Variants in MIX23 observed in about 807,000 individuals in gnomAD.
MIX23 encodes the protein mitochondrial matrix import factor 23, also known as protein MIX23.
Under a neutral mutation model 21.6 loss-of-function variants are expected in MIX23, and 13 were observed. The ratio of observed to expected loss-of-function variants is 0.60; its 90% CI spans 0.39 to 0.96. The LOEUF is 0.96. Ranked by LOEUF, MIX23 falls within the 40% of genes least tolerant of loss-of-function variation. The pLI is 0.00. For synonymous variants in MIX23, 59 were observed against 58.0 expected, an observed-to-expected ratio of 1.02 and a Z score of -0.08; for missense variants, 144 against 171.2, an observed-to-expected ratio of 0.84 and a Z score of 0.89.
chr3:122,370,456 C>CAAAAAAAA lies in MIX23; in HGVS notation c.177+1211_177+1218dup, dbSNP rs10660235. ...TGGGTGACAAAGTGAGACACTGTCT[C>CAAAAAAAA]AAAAAAAAAAAAAAAAAAAAAAAAA... On this transcript the variant is annotated intron_variant, in intron 2 of 4. Transcript: ENST00000291458. 6.2e-5 allele frequency among the ~76,000 whole-genome samples: 3 copies of CAAAAAAAA among 48,266 alleles called. 1 individual carries two copies. Among genetic ancestry groups the CAAAAAAAA allele is most frequent in the Non-Finnish European group, 1.0e-4 (3 of 28,634 alleles). 31.7% of individuals were successfully genotyped at this position (48,266 alleles called of 152,430 possible).
chr3:122,360,930 AC>A (rs2075353763), intron 4 of MIX23, among the ~76,000 whole-genome samples: 1 of 151,688 alleles, frequency 6.6e-6, no homozygotes, highest in African/African-American at 2.4e-5. Flanking sequence ...TGAAACCTCC[AC>A]CTCCTGGGTT....
intron 3 of MIX23, 88 bp from the exon 4 acceptor site, chr3:122,363,115 C>A (rs1045114686): frequency 6.4e-6 from 7 of 1,094,104 alleles, no homozygotes; most frequent in Non-Finnish European, 9.3e-6. Context: ...TAAAACCACA[C>A]TCATGTTTAC....
rs866984411 is a variant in MIX23 at position 122,368,254 on chromosome 3, T to C, written c.246A>G (p.Val82=). Residue 82 remains valine (V), a synonymous_variant, in exon 3 of 5, where the codon GTA becomes GTG. Coordinates refer to ENST00000291458, the MANE Select transcript of MIX23 (RefSeq NM_001017928.4). ...TTTCTCTCTCTTCTCGGAGGTTTTT[T>C]ACTACTGCTGAAGTCTGGGCTATAC... ...KNCIAQTSAV[V]KNLREEREKN... is the part of the protein sequence containing the mutation. The C allele has an allele frequency of 3.1e-6, 5 of 1,610,494 alleles. No homozygotes were observed. In the African/African-American group the frequency reaches 4.0e-5, roughly 13 times the overall value.
chr3:122,362,609 G>C (rs1197072975), intron 4 of MIX23, among the ~76,000 whole-genome samples: 1 of 151,920 alleles, frequency 6.6e-6, no homozygotes, highest in African/African-American at 2.4e-5. Flanking sequence ...AGCCTCCCGA[G>C]TAGCTGGGAT....
At position 122,371,809 on chromosome 3, in the gene MIX23, A is replaced by T. The variant is rs2075444183; in HGVS notation, c.52-9T>A. 2 of 1,572,452 alleles carry T rather than the reference A, an allele frequency of 1.3e-6. No individual in the cohort carries two copies. Among genetic ancestry groups the T allele is most frequent in the Admixed American group, 3.7e-5 (2 of 54,728 alleles). On this transcript the variant is annotated splice_polypyrimidine_tract_variant and intron_variant, in intron 1 of 4. Transcript: ENST00000291458. The stretch of plus-strand genomic sequence containing the variant: ...ATCACCTTGAGTAATTCCTATATGT[A>T]TTTAAAATAAAAGAATATAACCCAA...
At chr3:122,378,135 G>A (rs1330074669) in intron 1 of MIX23, among the ~76,000 whole-genome samples, 1 of 152,192 alleles carries the variant, frequency 6.6e-6, no homozygotes, top group Non-Finnish European at 1.5e-5. Flanking sequence ...TGACTGCTTA[G>A]ATTAAAGTGG....
rs541543980 is a variant in MIX23 at position 122,372,315 on chromosome 3, A to G, written c.52-515T>C. Among the ~76,000 whole-genome samples, 9 of 151,960 alleles carry G rather than the reference A, an allele frequency of 5.9e-5. No homozygotes were observed. In the East Asian group the frequency reaches 1.7e-3, roughly 29 times the overall value. ...GACTGGTAGTAAGTACCTACACAGC[A>G]CAACCCCTCCTACCCACATATGATC... On this transcript the variant is annotated intron_variant, in intron 1 of 4. Transcript: ENST00000291458.
At chr3:122,363,935 G>A (rs1379540219) in intron 3 of MIX23, among the ~76,000 whole-genome samples, 1 of 152,120 alleles carries the variant, frequency 6.6e-6, no homozygotes, top group Admixed American at 6.5e-5. Flanking sequence ...TCAGGAAAAT[G>A]AGGAGAAAAA....
chr3:122,363,849 T>C (rs566218250), intron 3 of MIX23, among the ~76,000 whole-genome samples: 1 of 148,710 alleles, frequency 6.7e-6, no homozygotes, highest in African/African-American at 2.6e-5. Context: ...GGACTCACCA[T>C]ACTCCCAGTA....
intron 1 of MIX23, among the ~76,000 whole-genome samples, chr3:122,381,106 T>C (rs957958477): frequency 1.1e-4 from 17 of 152,236 alleles, no homozygotes; most frequent in African/African-American, 3.9e-4. Context: ...TGCCTCTGCC[T>C]AGAATACCCC....
chr3:122,364,591 A>G (rs1484181330), intron 3 of MIX23, among the ~76,000 whole-genome samples: 1 of 152,242 alleles, frequency 6.6e-6, no homozygotes, highest in African/African-American at 2.4e-5. Flanking sequence ...AGAATTTCAC[A>G]ATATGAAAAT....
chr3:122,381,850 C>G (rs1426122540), intron 1 of MIX23, among the ~76,000 whole-genome samples: 1 of 152,000 alleles, frequency 6.6e-6, no homozygotes, highest in African/African-American at 2.4e-5. Flanking sequence ...CATTTACAAG[C>G]CAGGAAGAGA....
chr3:122,363,072 GA>G (rs745370806), intron 3 of MIX23, 45 bp from the exon 4 acceptor site: 14 of 1,499,526 alleles, frequency 9.3e-6, no homozygotes, highest in Admixed American at 5.5e-5. Context: ...TAAAGAGCAA[GA>G]AAAAAAACTG....
At chr3:122,379,228 A>C (rs1331180792) in intron 1 of MIX23, among the ~76,000 whole-genome samples, 1 of 152,260 alleles carries the variant, frequency 6.6e-6, no homozygotes, top group Non-Finnish European at 1.5e-5. Flanking sequence ...CAATCATTTC[A>C]GCTATGAAAA....
In MIX23 at chr3:122,371,806, T is replaced by C; in HGVS notation, c.52-6A>G. 1.9e-6 allele frequency: 3 copies of C among 1,581,714 alleles called. No homozygotes were observed. In the Admixed American group the frequency reaches 5.3e-5, roughly 28 times the overall value. The stretch of plus-strand genomic sequence containing the variant: ...CTCATCACCTTGAGTAATTCCTATA[T>C]GTATTTAAAATAAAAGAATATAACC... On this transcript the variant is annotated splice_region_variant and splice_polypyrimidine_tract_variant and intron_variant, in intron 1 of 4. Coordinates refer to ENST00000291458, the MANE Select transcript of MIX23 (RefSeq NM_001017928.4).
intron 1 of MIX23, chr3:122,372,950 CT>C (rs1349725481): frequency 1.1e-5 from 4 of 366,632 alleles, no homozygotes; most frequent in South Asian, 2.3e-5. Flanking sequence ...ACGTTTGATT[CT>C]TTTTCCCTCA....
At chr3:122,363,253 TC>T (rs1433185115) in intron 3 of MIX23, among the ~76,000 whole-genome samples, 1 of 151,810 alleles carries the variant, frequency 6.6e-6, no homozygotes, top group East Asian at 1.9e-4. Context: ...CATATCCTAA[TC>T]ACCTTGAGAG....
intron 3 of MIX23, among the ~76,000 whole-genome samples, chr3:122,364,156 A>G (rs1456533581): frequency 2.0e-5 from 3 of 152,250 alleles, no homozygotes; most frequent in African/African-American, 7.2e-5. Context: ...GGCAACAACG[A>G]TAAGAATGGA....
chr3:122,361,807 G>A (rs570778198), intron 4 of MIX23, among the ~76,000 whole-genome samples: 1 of 152,180 alleles, frequency 6.6e-6, no homozygotes, highest in South Asian at 2.1e-4. Context: ...CCTTGGCAAA[G>A]AGGATAAGAT....
Sources: gnomAD v4.1 joint callset for allele counts (sites outside exome capture counted in the v4.1 genomes callset) on GRCh38, gnomAD v4.1.1 for gene constraint, MANE v1.5 for transcripts, NCBI Gene and HGNC (gene_info 2026-07-23, HGNC 2026-07-21) for gene names.